The following NAV2 variants were observed in gnomAD, a reference collection of about 807,000 sequenced individuals.
NAV2 encodes the protein helicase, APC down-regulated 1.
NAV2 carries 54 observed loss-of-function variants against 223.2 expected under a neutral mutation model. The ratio of observed to expected loss-of-function variants is 0.24; its 90% CI spans 0.19 to 0.30. NAV2 has a LOEUF of 0.30. Ranked by LOEUF, NAV2 falls within the 10% of genes least tolerant of loss-of-function variation. The probability of loss-of-function intolerance (pLI) is 1.00; values close to 1 mark genes in which losing one functional copy is unlikely to be tolerated. For missense variants in NAV2, 2,806 were observed against 3,147.5 expected (o/e 0.89, Z 2.60); for synonymous variants, 1,279 against 1,239.3 (o/e 1.03, Z -0.67).
chr11:19,795,701 G>A (rs529511197), intron 1 of NAV2, among the ~76,000 whole-genome samples: 46 of 152,326 alleles, frequency 3.0e-4, no homozygotes, highest in Admixed American at 2.0e-4. Flanking sequence ...TGGTCAGAAA[G>A]TTTTAGTCTA....
chr11:19,973,475 G>A (rs2049432011), intron 10 of NAV2, among the ~76,000 whole-genome samples: 1 of 152,150 alleles, frequency 6.6e-6, no homozygotes, highest in African/African-American at 2.4e-5. Flanking sequence ...TCGGGAGAAT[G>A]CATTTTCCAA....
At chr11:19,544,652 A>G (rs2044438281) in intron 1 of NAV2, among the ~76,000 whole-genome samples, 1 of 152,196 alleles carries the variant, frequency 6.6e-6, no homozygotes, top group Non-Finnish European at 1.5e-5. Flanking sequence ...GCCTCTTCCC[A>G]GTTCCTCACC....
chr11:19,708,066 G>GA (rs2049725875), upstream of NAV2, among the ~76,000 whole-genome samples: 1 of 152,078 alleles, frequency 6.6e-6, no homozygotes. Context: ...TTTGTTCTCA[G>GA]AAAAAAAGCC....
chr11:19,741,706 TATATATATATATA>T (rs2052839581), intron 1 of NAV2, among the ~76,000 whole-genome samples: 1 of 136,926 alleles, frequency 7.3e-6, no homozygotes, highest in South Asian at 2.2e-4. Flanking sequence ...TATATATATA[TATATATATATATA>T]TATATATATC....
intron 1 of NAV2, among the ~76,000 whole-genome samples, chr11:19,762,361 A>G (rs1349998475): frequency 1.3e-5 from 2 of 152,180 alleles, no homozygotes; most frequent in Non-Finnish European, 2.9e-5. Context: ...AAATCCCTAC[A>G]ATGATATGCA....
At chr11:20,035,337 A>G (rs1477026524) in intron 11 of NAV2, among the ~76,000 whole-genome samples, 1 of 152,188 alleles carries the variant, frequency 6.6e-6, no homozygotes, top group Non-Finnish European at 1.5e-5. Context: ...AACCATTGCT[A>G]GGAGACTGGA....
At chr11:19,591,366 A>C (rs752758864) in intron 1 of NAV2, 1 of 152,130 alleles carries the variant, frequency 6.6e-6, no homozygotes, top group Non-Finnish European at 1.5e-5. Flanking sequence ...ATAGTTTCTC[A>C]TTCTTTTTTG....
intron 1 of NAV2, among the ~76,000 whole-genome samples, chr11:19,659,548 C>T (rs2048219044): frequency 6.6e-6 from 1 of 152,082 alleles, no homozygotes; most frequent in Non-Finnish European, 1.5e-5. Flanking sequence ...AGGGAAATAG[C>T]AGGAATTCAG....
intron 1 of NAV2, among the ~76,000 whole-genome samples, chr11:19,638,498 A>G (rs1243802188): frequency 6.6e-6 from 1 of 152,204 alleles, no homozygotes; most frequent in African/African-American, 2.4e-5. Flanking sequence ...GACAATACTA[A>G]CACTATCTAA....
chr11:19,621,749 A>G (rs2047004792), intron 1 of NAV2, among the ~76,000 whole-genome samples: 1 of 151,668 alleles, frequency 6.6e-6, no homozygotes, highest in Non-Finnish European at 1.5e-5. Context: ...TTTTGTCTCT[A>G]TCTCCTTCAG....
intron 1 of NAV2, among the ~76,000 whole-genome samples, chr11:19,528,944 A>G (rs962519129): frequency 6.6e-6 from 1 of 151,736 alleles, no homozygotes; most frequent in Non-Finnish European, 1.5e-5. Context: ...AAAAAAAAAA[A>G]AAAAAGAGTG....
chr11:19,415,050 GC>G (rs2133429830), intron 1 of NAV2, among the ~76,000 whole-genome samples: 1 of 152,156 alleles, frequency 6.6e-6, no homozygotes, highest in East Asian at 1.9e-4. Context: ...TGAAACAAGA[GC>G]AAAAAAATTC....
chr11:19,860,211 G>A lies in NAV2; in HGVS notation c.439-8714G>A, dbSNP rs1323351525. Among the ~76,000 whole-genome samples, 13 of 146,736 alleles carry A rather than the reference G, an allele frequency of 8.9e-5. 1 individual carries two copies. The highest frequency in any genetic ancestry group is 2.2e-4 in the South Asian group (1 of 4,514). On this transcript the variant is annotated intron_variant, in intron 3 of 37. Coordinates refer to ENST00000349880, the MANE Select transcript of NAV2 (RefSeq NM_145117.5). The stretch of plus-strand genomic sequence containing the variant: ...CTCCCAGACGGGGTGGCTGCCGGGC[G>A]GAGACGCTCCTCACTTCCCAGACGG...
chr11:19,551,189 C>T (rs1248207654), intron 1 of NAV2, among the ~76,000 whole-genome samples: 1 of 152,380 alleles, frequency 6.6e-6, no homozygotes, highest in South Asian at 2.1e-4. Flanking sequence ...GGTTTGCCTG[C>T]CCTGCAGCAC....
intron 1 of NAV2, among the ~76,000 whole-genome samples, chr11:19,783,470 C>CT (rs1483002064): frequency 6.6e-6 from 1 of 152,104 alleles, no homozygotes; most frequent in African/African-American, 2.4e-5. Context: ...ATTGAGTCCC[C>CT]TTTTTTTAAG....
chr11:19,829,046 A>C lies in NAV2; in HGVS notation c.268-3438A>C, dbSNP rs569821953. Among the ~76,000 whole-genome samples, 5 of 152,340 alleles carry C rather than the reference A, an allele frequency of 3.3e-5. No homozygotes were observed. In the South Asian group the frequency reaches 1.0e-3, roughly 32 times the overall value. ...TGCTGTGTTGTGCAAACTCACAAAGAAACCTAGTTGTAGAGACAGTATGTC... is the reference window on the plus strand; with the variant it reads ...TGCTGTGTTGTGCAAACTCACAAAGCAACCTAGTTGTAGAGACAGTATGTC... On this transcript the variant is annotated intron_variant, in intron 1 of 37. Coordinates refer to ENST00000349880, the MANE Select transcript of NAV2 (RefSeq NM_145117.5).
intron 1 of NAV2, among the ~76,000 whole-genome samples, chr11:19,670,328 G>A (rs2048543610): frequency 1.3e-5 from 2 of 152,112 alleles, no homozygotes; most frequent in African/African-American, 4.8e-5. Context: ...TCACAGCCTT[G>A]TTGGATTTCC....
chr11:20,045,488 C>G lies in NAV2; in HGVS notation c.3720C>G (p.Ser1240Arg). 1 of 1,614,180 alleles carries G rather than the reference C, an allele frequency of 6.2e-7. No homozygotes were observed. The highest frequency in any genetic ancestry group is 8.5e-7 in the Non-Finnish European group (1 of 1,180,034). Residue 1240 changes from serine to arginine, a missense_variant, in exon 14 of 38, where the codon AGC (serine) becomes AGG (arginine). This residue lies in a region of NAV2 where 742 missense variants were observed against 777.9 expected (regional missense o/e 0.95). Transcript: ENST00000349880. ...AGCCTTCCAAAACAGCCCTAGGCAG[C>G]TCTCTACCAGGTCTGGTCAACCAAA... ...LREPSKTALG[S>R]SLPGLVNQTD...
chr11:19,467,087 T>C (rs1404675010), intron 1 of NAV2, among the ~76,000 whole-genome samples: 1 of 151,232 alleles, frequency 6.6e-6, no homozygotes, highest in Non-Finnish European at 1.5e-5. Context: ...GTAATCCAAA[T>C]TGGGATCACA....
Sources: allele counts gnomAD v4.1 joint callset (sites outside exome capture counted in the v4.1 genomes callset), GRCh38; gene constraint gnomAD v4.1.1; regional missense constraint gnomAD v4.1.1; transcripts MANE v1.5; gene names NCBI Gene and HGNC (gene_info 2026-07-23, HGNC 2026-07-21).